Variants in EFNA3 observed in about 807,000 individuals in gnomAD.
EFNA3 encodes ephrin-A3.
Under a neutral mutation model 25.0 loss-of-function variants are expected in EFNA3, and 15 were observed. The ratio of observed to expected loss-of-function variants is 0.60; its 90% CI spans 0.40 to 0.92. The LOEUF (loss-of-function observed/expected upper bound fraction) is 0.92, where lower values mean the gene tolerates loss of function less well. EFNA3 is among the 40% of genes least tolerant of loss of function. EFNA3 has a pLI of 0.00. For synonymous variants in EFNA3, 153 were observed against 145.6 expected (o/e 1.05, Z -0.37); for missense variants, 298 against 323.8 (o/e 0.92, Z 0.61).
In EFNA3 at chr1:155,085,044, T is replaced by G; in HGVS notation, c.129-47T>G. The G allele has an allele frequency of 6.3e-7, 1 of 1,595,418 alleles. No homozygotes were observed. On this transcript the variant is annotated intron_variant, in intron 1 of 4. Coordinates refer to ENST00000368408, the MANE Select transcript of EFNA3 (RefSeq NM_004952.5). The surrounding 1 kb of genome is among the most constrained non-coding windows in gnomAD (Gnocchi z 4.4). ...GCGGAGCGGTCAGATGGAAAGCGGC[T>G]TTGCTCTGGGGTTTCTTCTCTCTGA...
Position 155,085,896 on chromosome 1 carries a change from G to C in EFNA3, c.462G>C (p.Leu154=). 6.2e-7 allele frequency: 1 copy of C among 1,613,474 alleles called. No homozygotes were observed. Among genetic ancestry groups the C allele is most frequent in the Non-Finnish European group, 8.5e-7 (1 of 1,179,734 alleles). The change falls in exon 3 of 5, where the codon CTG becomes CTC. Residue 154 remains leucine, a synonymous_variant. Coordinates refer to ENST00000368408, the MANE Select transcript of EFNA3 (RefSeq NM_004952.5). The surrounding 1 kb of genome is among the most constrained non-coding windows in gnomAD (Gnocchi z 4.4). ...CCCCAGCCACGCCCACTCACAACCT[G>C]CACTGGAAGTGTCTGAGGATGAAGG... ...YYYISTPTHN[L]HWKCLRMKVF...
chr1:155,085,499 G>A lies in EFNA3; in HGVS notation c.442+95G>A. On this transcript the variant is annotated intron_variant, in intron 2 of 4. Coordinates refer to ENST00000368408, the MANE Select transcript of EFNA3 (RefSeq NM_004952.5). The surrounding 1 kb of genome is among the most constrained non-coding windows in gnomAD (Gnocchi z 4.4). Reference sequence around the variant, plus strand: ...CTAGGCTCCGGGGCGGGGCCGGCGCGGCGGGCGCCAGGTCTCGCGGCTGAG... The same window carrying A: ...CTAGGCTCCGGGGCGGGGCCGGCGCAGCGGGCGCCAGGTCTCGCGGCTGAG... 1.4e-6 allele frequency: 2 copies of A among 1,411,992 alleles called. No homozygotes were observed. The highest frequency in any genetic ancestry group is 1.9e-6 in the Non-Finnish European group (2 of 1,067,926). The allele number at this position is 1,411,992 out of a possible 1,614,324, so 87.5% of individuals were successfully genotyped here. A position where few individuals can be genotyped will look rare whatever the true frequency, so the allele number is the denominator to read the frequency against.
Position 155,078,955 on chromosome 1 carries a change from CGCTGCT to C in EFNA3, c.30_35del (p.Leu11_Leu12del), listed in dbSNP as rs751169298. Reference sequence around the variant, plus strand: ...GCGGCTCCGGGGATGGCGGCGGCTCCGCTGCTGCTGCTGCTGCTGCTCGTGCCCGTG... The same window carrying C: ...GCGGCTCCGGGGATGGCGGCGGCTCCGCTGCTGCTGCTGCTCGTGCCCGTG... On this transcript the variant is annotated inframe_deletion, in exon 1 of 5. Coordinates refer to ENST00000368408, the MANE Select transcript of EFNA3 (RefSeq NM_004952.5). 14 of 1,416,368 alleles carry C rather than the reference CGCTGCT, an allele frequency of 9.9e-6. No homozygotes were observed. The highest frequency in any genetic ancestry group is 7.7e-5 in the South Asian group (5 of 64,922). 87.7% of individuals were successfully genotyped at this position (1,416,368 alleles called of 1,614,324 possible).
At chr1:155,084,981 G>T in intron 1 of EFNA3, 110 bp from the exon 2 acceptor site, 1 of 1,282,906 alleles carries the variant, frequency 7.8e-7, no homozygotes, top group Non-Finnish European at 1.1e-6. Flanking sequence ...AAGCTCGGAG[G>T]AAAAGTCGGA....
intron 1 of EFNA3, among the ~76,000 whole-genome samples, chr1:155,083,540 C>G (rs146461769): frequency 6.6e-6 from 1 of 152,328 alleles, no homozygotes; most frequent in African/African-American, 2.4e-5. Flanking sequence ...TCCTGATGAC[C>G]AAAGGAGGCT....
chr1:155,086,433 C>A lies in EFNA3; in HGVS notation c.607C>A (p.Pro203Thr), dbSNP rs528234396. 3 of 1,614,068 alleles carry A rather than the reference C, an allele frequency of 1.9e-6. No individual in the cohort carries two copies. Among genetic ancestry groups the A allele is most frequent in the East Asian group, 2.2e-5 (1 of 44,876 alleles). ...CACAGAAGACTTTGAGGGAGAGAAC[C>A]CTCAGGTGCCCAAGCTTGAGAAGAG... is the stretch of plus-strand genomic sequence containing the variant. ...NVLEDFEGEN[P>T]QVPKLEKSIS... Residue 203 changes from proline (P) to threonine (T), a missense_variant, in exon 5 of 5, where the codon CCT (proline) becomes ACT (threonine). Transcript: ENST00000368408.
At chr1:155,084,270 A>T (rs1663401637) in intron 1 of EFNA3, among the ~76,000 whole-genome samples, 1 of 152,172 alleles carries the variant, frequency 6.6e-6, no homozygotes, top group Non-Finnish European at 1.5e-5. Flanking sequence ...TCATGTGTTT[A>T]AAGTTCCTGG....
Position 155,081,645 on chromosome 1 carries a change from C to T in EFNA3, c.128+2576C>T, listed in dbSNP as rs1437364881. Reference sequence around the variant, plus strand: ...GTCTCAGCCTTGCACCCTTCCCTGTCCCTGCTTCTCTCCTTTGCGTCTCTG... The same window carrying T: ...GTCTCAGCCTTGCACCCTTCCCTGTTCCTGCTTCTCTCCTTTGCGTCTCTG... On this transcript the variant is annotated intron_variant, in intron 1 of 4. Coordinates refer to ENST00000368408, the MANE Select transcript of EFNA3 (RefSeq NM_004952.5). The surrounding 1 kb of genome is among the most constrained non-coding windows in gnomAD (Gnocchi z 5.2). Among the ~76,000 whole-genome samples, 1 of 152,190 alleles carries T rather than the reference C, an allele frequency of 6.6e-6. No homozygotes were observed. The highest frequency in any genetic ancestry group is 6.5e-5 in the Admixed American group (1 of 15,278).
chr1:155,084,455 C>T (rs1663407253), intron 1 of EFNA3, among the ~76,000 whole-genome samples: 1 of 152,228 alleles, frequency 6.6e-6, no homozygotes, highest in Non-Finnish European at 1.5e-5. Context: ...GTGTCTGCTG[C>T]CTATGAGTGG....
chr1:155,078,918 G>C lies in EFNA3; in HGVS notation c.-24G>C. 7.3e-7 allele frequency: 1 copy of C among 1,361,284 alleles called. No homozygotes were observed. Among genetic ancestry groups the C allele is most frequent in the Non-Finnish European group, 9.5e-7 (1 of 1,057,362 alleles). 84.3% of individuals were successfully genotyped at this position (1,361,284 alleles called of 1,614,324 possible). On this transcript the variant is annotated 5_prime_UTR_variant, in exon 1 of 5. Coordinates refer to ENST00000368408, the MANE Select transcript of EFNA3 (RefSeq NM_004952.5). ...CGGGAGCGCGGGGCTCAGTCGGGGG[G>C]CGGCGGCGGCGGCGGCTCCGGGGAT...
chr1:155,086,039 G>A, intron 3 of EFNA3, 89 bp from the exon 4 acceptor site: 1 of 1,572,088 alleles, frequency 6.4e-7, no homozygotes. Context: ...GCACAGGTGA[G>A]GGGGGCTTGC....
rs995055455 is a variant in EFNA3, at chr1:155,080,610, C to G, written c.128+1541C>G. Among the ~76,000 whole-genome samples the G allele has an allele frequency of 2.6e-5, 4 of 152,224 alleles. No individual in the cohort carries two copies. The highest frequency in any genetic ancestry group is 9.6e-5 in the African/African-American group (4 of 41,468). ...GAGGGGCCCCGGGTTCCCCGCCACC[C>G]TTGGAGCACCTCAGCGTTCTTAGGG... On this transcript the variant is annotated intron_variant, in intron 1 of 4. Coordinates refer to ENST00000368408, the MANE Select transcript of EFNA3 (RefSeq NM_004952.5). This position sits in a 1 kb window ranked among gnomAD's most constrained non-coding sequence, Gnocchi z 7.0.
At position 155,079,836 on chromosome 1, in the gene EFNA3, G is replaced by C. The variant is rs570661461; in HGVS notation, c.128+767G>C. 6.9e-4 allele frequency among the ~76,000 whole-genome samples: 105 copies of C among 152,212 alleles called. No homozygotes were observed. The highest frequency in any genetic ancestry group is 1.8e-3 in the Admixed American group (28 of 15,298). ...TGTGTGTCTGCGTCGGCGATCGTCT[G>C]GGGGTGGGAGCGGGCTGCGGGTCGG... On this transcript the variant is annotated intron_variant, in intron 1 of 4. Coordinates refer to ENST00000368408, the MANE Select transcript of EFNA3 (RefSeq NM_004952.5). This position sits in a 1 kb window ranked among gnomAD's most constrained non-coding sequence, Gnocchi z 7.7.
Position 155,085,097 on chromosome 1 carries a change from G to T in EFNA3, c.135G>T (p.Arg45=). Reference sequence around the variant, plus strand: ...CGCTTCCTCTTCCCCACAGCCTGCGGCGAGAGGGCTACACCGTGCAGGTGA... The same window carrying T: ...CGCTTCCTCTTCCCCACAGCCTGCGTCGAGAGGGCTACACCGTGCAGGTGA... ...VYWNSSNQHL[R]REGYTVQVNV... is the part of the protein sequence containing the mutation. Residue 45 remains arginine, a synonymous_variant, in exon 2 of 5, where the codon CGG becomes CGT. Transcript: ENST00000368408. The surrounding 1 kb of genome is among the most constrained non-coding windows in gnomAD (Gnocchi z 4.4). 1 of 1,613,646 alleles carries T rather than the reference G, an allele frequency of 6.2e-7. No homozygotes were observed. Among genetic ancestry groups the T allele is most frequent in the Non-Finnish European group, 8.5e-7 (1 of 1,179,948 alleles).
At chr1:155,086,082 C>A in intron 3 of EFNA3, 46 bp from the exon 4 acceptor site, 1 of 1,591,914 alleles carries the variant, frequency 6.3e-7, no homozygotes, top group Non-Finnish European at 8.6e-7. Flanking sequence ...GGAATCCTGG[C>A]CCTGACTCTC....
intron 1 of EFNA3, among the ~76,000 whole-genome samples, chr1:155,083,743 G>A (rs1663386894): frequency 6.6e-6 from 1 of 152,188 alleles, no homozygotes; most frequent in Non-Finnish European, 1.5e-5. Flanking sequence ...ATTACTGTTT[G>A]GGGAACTGGG....
rs1256240737 is a variant in EFNA3 at position 155,086,582 on chromosome 1, G to A, written c.*39G>A. 1 of 1,609,266 alleles carries A rather than the reference G, an allele frequency of 6.2e-7. No homozygotes were observed. The highest frequency in any genetic ancestry group is 8.5e-7 in the Non-Finnish European group (1 of 1,177,690). On this transcript the variant is annotated 3_prime_UTR_variant, in exon 5 of 5. Coordinates refer to ENST00000368408, the MANE Select transcript of EFNA3 (RefSeq NM_004952.5). The stretch of plus-strand genomic sequence containing the variant: ...CCTGGGGGGGGAGAGATGGGGCGGG[G>A]CTTGGAAGGAGCAGGGAGCCTTTGG...
In EFNA3 at chr1:155,085,360, C is replaced by G; in HGVS notation, c.398C>G (p.Ser133Cys). The G allele has an allele frequency of 6.2e-7, 1 of 1,612,024 alleles. No individual in the cohort carries two copies. The highest frequency in any genetic ancestry group is 1.7e-5 in the Admixed American group (1 of 59,800). Residue 133 changes from serine (S) to cysteine (C), a missense_variant, in exon 2 of 5, where the codon TCT becomes TGT. Coordinates refer to ENST00000368408, the MANE Select transcript of EFNA3 (RefSeq NM_004952.5). This position sits in a 1 kb window ranked among gnomAD's most constrained non-coding sequence, Gnocchi z 4.4. ...SEKFQRYSAF[S>C]LGYEFHAGHE... ...AAGTTCCAGCGCTACAGCGCCTTCT[C>G]TCTGGGCTACGAGTTCCACGCCGGC...
intron 4 of EFNA3, 78 bp downstream of exon 4, chr1:155,086,283 C>A (rs1410444911): frequency 1.3e-6 from 2 of 1,596,110 alleles, no homozygotes; most frequent in South Asian, 1.1e-5. Context: ...ACCTCGCATG[C>A]CTTCCCTGGG....
Sources: allele counts gnomAD v4.1 joint callset (sites outside exome capture counted in the v4.1 genomes callset), GRCh38; gene constraint gnomAD v4.1.1; non-coding constraint Gnocchi (gnomAD v3.1); transcripts MANE v1.5; gene names NCBI Gene and HGNC (gene_info 2026-07-23, HGNC 2026-07-21).